Variants in SCIN observed in about 807,000 individuals in gnomAD.
SCIN encodes scinderin.
SCIN carries 91 observed loss-of-function variants against 91.8 expected under a neutral mutation model. The observed-to-expected ratio is 0.99, with a 90% CI of 0.84 to 1.18. The LOEUF (loss-of-function observed/expected upper bound fraction) is 1.18. Ranked by LOEUF, SCIN falls within the 50% of genes most tolerant of loss-of-function variation. The pLI is 0.00. For missense variants in SCIN, 1,087 were observed against 863.9 expected (o/e 1.26, Z -3.24); for synonymous variants, 367 against 312.6 (o/e 1.17, Z -1.84).
intron 4 of SCIN, among the ~76,000 whole-genome samples, chr7:12,619,434 G>C (rs1282521927): frequency 6.6e-6 from 1 of 152,122 alleles, no homozygotes; most frequent in African/African-American, 2.4e-5. Flanking sequence ...GATTAAGAGA[G>C]TAAAAGAGTA....
chr7:12,609,000 A>G (rs1783137846), intron 4 of SCIN, among the ~76,000 whole-genome samples: 1 of 152,176 alleles, frequency 6.6e-6, no homozygotes. Flanking sequence ...CACTTTTCTG[A>G]GAGTCTTTTG....
At chr7:12,629,717 T>G (rs1206206654) in intron 9 of SCIN, among the ~76,000 whole-genome samples, 1 of 152,176 alleles carries the variant, frequency 6.6e-6, no homozygotes, top group Non-Finnish European at 1.5e-5. Flanking sequence ...GGAAAAAATA[T>G]GCAACTGTGT....
At chr7:12,624,318 C>A (rs1783468556) in intron 5 of SCIN, among the ~76,000 whole-genome samples, 1 of 152,176 alleles carries the variant, frequency 6.6e-6, no homozygotes, top group Non-Finnish European at 1.5e-5. Context: ...CCAGTAAATC[C>A]TAACCTGCAC....
chr7:12,649,700 A>T (rs534647839), intron 14 of SCIN, among the ~76,000 whole-genome samples, 156 bp downstream of exon 14: 1 of 152,336 alleles, frequency 6.6e-6, no homozygotes, highest in South Asian at 2.1e-4. Flanking sequence ...AATGAAACTA[A>T]CACATATGGC....
chr7:12,587,145 G>A (rs938054050), intron 3 of SCIN, among the ~76,000 whole-genome samples: 26 of 152,260 alleles, frequency 1.7e-4, no homozygotes, highest in African/African-American at 6.3e-4. Flanking sequence ...TAATTACTCT[G>A]ATTTGATCAT....
chr7:12,638,476 G>C (rs1282991514), intron 10 of SCIN, among the ~76,000 whole-genome samples: 1 of 152,192 alleles, frequency 6.6e-6, no homozygotes, highest in Non-Finnish European at 1.5e-5. Flanking sequence ...TTCTGATACA[G>C]CAGCATTAAA....
At chr7:12,615,739 T>G (rs535408310) in intron 4 of SCIN, among the ~76,000 whole-genome samples, 93 of 152,210 alleles carry the variant, frequency 6.1e-4, no homozygotes, top group South Asian at 2.7e-3. Flanking sequence ...TCTTAATGTA[T>G]AGCATAGAAG....
At chr7:12,593,469 A>G (rs925478633) in intron 3 of SCIN, among the ~76,000 whole-genome samples, 2 of 152,184 alleles carry the variant, frequency 1.3e-5, no homozygotes, top group Admixed American at 6.5e-5. Context: ...ATATGTAACA[A>G]ACCTGCACAT....
At position 12,655,967 on chromosome 7, in the gene SCIN, G is replaced by A. The variant is rs1784156626; in HGVS notation, c.*3252G>A. 6.6e-6 allele frequency: 1 copy of A among 152,150 alleles called. No individual in the cohort carries two copies. The highest frequency in any genetic ancestry group is 1.5e-5 in the Non-Finnish European group (1 of 68,028). The allele number at this position is 152,150 out of a possible 1,614,324, so 9.4% of individuals were successfully genotyped here. A position where few individuals can be genotyped will look rare whatever the true frequency, so the allele number is the denominator to read the frequency against. On this transcript the variant is annotated 3_prime_UTR_variant, in exon 16 of 16. Coordinates refer to ENST00000297029, the MANE Select transcript of SCIN (RefSeq NM_001112706.3). ...ATTCAAGAAATTCATACTCAACTCA[G>A]TCAAACAGAGGTCCTGCATTTACCT... is the stretch of plus-strand genomic sequence containing the variant.
intron 3 of SCIN, among the ~76,000 whole-genome samples, chr7:12,590,527 G>A (rs1192914202): frequency 6.6e-6 from 1 of 152,078 alleles, no homozygotes; most frequent in East Asian, 1.9e-4. Flanking sequence ...TGCTCTTAGG[G>A]GAGGACGAGC....
In SCIN at chr7:12,655,872, GAAGA is replaced by G. The variant is rs1784155225; in HGVS notation, c.*3167_*3170del. The G allele has an allele frequency of 6.6e-6, 1 of 152,076 alleles. No individual in the cohort carries two copies. The highest frequency in any genetic ancestry group is 2.4e-5 in the African/African-American group (1 of 41,394). The allele number at this position is 152,076 out of a possible 1,614,324, so 9.4% of individuals were successfully genotyped here. A position where few individuals can be genotyped will look rare whatever the true frequency, so the allele number is the denominator to read the frequency against. On this transcript the variant is annotated 3_prime_UTR_variant, in exon 16 of 16. Coordinates refer to ENST00000297029, the MANE Select transcript of SCIN (RefSeq NM_001112706.3). ...GGCATATTTATCTAATATTTAATCA[GAAGA>G]AAGAAAGAACAGAAAGACCCAGGAA...
chr7:12,630,932 G>A (rs763703921), intron 9 of SCIN, among the ~76,000 whole-genome samples: 1 of 151,952 alleles, frequency 6.6e-6, no homozygotes, highest in Non-Finnish European at 1.5e-5. Context: ...GCATTTATAG[G>A]GATAAATTAA....
At chr7:12,645,036 A>G (rs1254985500) in intron 13 of SCIN, among the ~76,000 whole-genome samples, 2 of 141,672 alleles carry the variant, frequency 1.4e-5, no homozygotes, top group African/African-American at 5.2e-5. Flanking sequence ...AAAAAAAAAA[A>G]GGGCCGGGCG....
At position 12,636,126 on chromosome 7, in the gene SCIN, G is replaced by C. The variant is rs372733902; in HGVS notation, c.1401G>C (p.Gln467His). The C allele has an allele frequency of 5.0e-6, 8 of 1,611,886 alleles. No homozygotes were observed. In the African/African-American group the frequency reaches 1.1e-4, roughly 22 times the overall value. ...TVQLDRSLGGQAVQIRVSQGK... is the reference protein window; with the variant it reads ...TVQLDRSLGGHAVQIRVSQGK... ...AGTTGGATCGGTCCCTTGGAGGACAGGCTGTGCAGGTTGGGATATTTTTAC... is the reference window on the plus strand; with the variant it reads ...AGTTGGATCGGTCCCTTGGAGGACACGCTGTGCAGGTTGGGATATTTTTAC... Residue 467 changes from glutamine (Q) to histidine (H), a missense_variant, in exon 10 of 16, where the codon CAG becomes CAC. Transcript: ENST00000297029.
chr7:12,570,981 G>C lies in SCIN; in HGVS notation c.195G>C (p.Trp65Cys). The change falls in exon 1 of 16, where the codon TGG becomes TGC. Residue 65 changes from tryptophan (W) to cysteine (C), a missense_variant. Physicochemically the swap from Trp to Cys is radical, Grantham distance 215. Coordinates refer to ENST00000297029, the MANE Select transcript of SCIN (RefSeq NM_001112706.3). The part of the protein sequence containing the change: ...SRGFTYHLHF[W>C]LGKECSQDES... The stretch of plus-strand genomic sequence containing the variant: ...GCTTCACCTACCACCTGCACTTCTG[G>C]CTCGGTAAGGGACGGCGGGCGGCGG... 1 of 1,549,856 alleles carries C rather than the reference G, an allele frequency of 6.5e-7. No homozygotes were observed. The highest frequency in any genetic ancestry group is 1.4e-5 in the African/African-American group (1 of 73,152).
chr7:12,583,713 C>G (rs140888059), intron 3 of SCIN, among the ~76,000 whole-genome samples: 2 of 152,000 alleles, frequency 1.3e-5, no homozygotes, highest in Non-Finnish European at 2.9e-5. Flanking sequence ...TGGTGGTAGA[C>G]AGGTTGTAGT....
chr7:12,652,901 G>A lies in SCIN; in HGVS notation c.*186G>A, dbSNP rs919424727. On this transcript the variant is annotated 3_prime_UTR_variant, in exon 16 of 16. Transcript: ENST00000297029. ...GGCGGATCACTGGGGTCAGGATTTC[G>A]AGACCAGCCTGGCCAACATGGCGAA... 2.3e-5 allele frequency: 14 copies of A among 616,906 alleles called. No homozygotes were observed. The highest frequency in any genetic ancestry group is 4.2e-5 in the South Asian group (2 of 47,714). The allele number at this position is 616,906 out of a possible 1,614,324, so 38.2% of individuals were successfully genotyped here.
intron 3 of SCIN, among the ~76,000 whole-genome samples, chr7:12,595,066 G>T (rs902332833): frequency 7.2e-5 from 11 of 151,932 alleles, no homozygotes; most frequent in African/African-American, 2.4e-4. Flanking sequence ...CTCTAAGGAC[G>T]CCCAGCCAGA....
intron 7 of SCIN, 25 bp from the exon 8 acceptor site, chr7:12,626,559 C>CTAT (rs1783525272): frequency 6.9e-7 from 1 of 1,448,940 alleles, no homozygotes; most frequent in Non-Finnish European, 9.4e-7. Flanking sequence ...TTCCTGTTTA[C>CTAT]TATTATTATT....
Sources: gnomAD v4.1 joint callset for allele counts (sites outside exome capture counted in the v4.1 genomes callset) on GRCh38, gnomAD v4.1.1 for gene constraint, MANE v1.5 for transcripts, NCBI Gene and HGNC (gene_info 2026-07-23, HGNC 2026-07-21) for gene names.